The following TXNDC16 variants were observed in gnomAD, a reference collection of about 807,000 sequenced individuals.
TXNDC16 encodes the protein thioredoxin domain containing 16, also known as thioredoxin domain-containing protein 16.
A neutral mutation model predicts 85.6 loss-of-function variants in TXNDC16; 74 were observed. That is an observed-to-expected ratio of 0.86 (90% confidence interval 0.72 to 1.05). The LOEUF is 1.05. Among genes scored for constraint, TXNDC16 ranks in the 50% least tolerant of loss-of-function variants. TXNDC16 has a pLI of 0.00. For missense variants in TXNDC16, 959 were observed against 947.0 expected (o/e 1.01, Z -0.17); for synonymous variants, 335 against 326.5 (o/e 1.03, Z -0.28).
intron 18 of TXNDC16, among the ~76,000 whole-genome samples, chr14:52,450,273 T>G (rs2035376714): frequency 1.3e-5 from 2 of 151,750 alleles, no homozygotes; most frequent in South Asian, 4.1e-4. Flanking sequence ...TAGCAGAAAT[T>G]CAAAAGGTCA....
chr14:52,451,620 G>C (rs1379326050), intron 18 of TXNDC16, among the ~76,000 whole-genome samples: 1 of 151,974 alleles, frequency 6.6e-6, no homozygotes, highest in East Asian at 1.9e-4. Context: ...AACTGATGCT[G>C]AATAGCATTT....
At position 52,542,318 on chromosome 14, in the gene TXNDC16, A is replaced by G. The variant is rs2037847915; in HGVS notation, c.243+53T>C. On this transcript the variant is annotated intron_variant, in intron 4 of 20. Transcript: ENST00000281741. Reference sequence around the variant, plus strand: ...TTTAAGATATTCAATCTTAAGCCATAAAGTTGTAAGATGTTCGTCACTAAT... The same window carrying G: ...TTTAAGATATTCAATCTTAAGCCATGAAGTTGTAAGATGTTCGTCACTAAT... 4.2e-6 allele frequency: 5 copies of G among 1,180,310 alleles called. No individual in the cohort carries two copies. The South Asian group carries it at 6.7e-5, about 16-fold the overall frequency. 73.1% of individuals were successfully genotyped at this position (1,180,310 alleles called of 1,614,324 possible). A position where few individuals can be genotyped will look rare whatever the true frequency, so the allele number is the denominator to read the frequency against.
intron 1 of TXNDC16, among the ~76,000 whole-genome samples, chr14:52,547,762 A>G (rs944465226): frequency 2.0e-5 from 3 of 152,212 alleles, no homozygotes; most frequent in African/African-American, 7.2e-5. Context: ...AGAGATGACC[A>G]CTGCTGGGCA....
intron 16 of TXNDC16, among the ~76,000 whole-genome samples, chr14:52,463,746 T>C (rs980615547): frequency 3.3e-5 from 5 of 152,244 alleles, no homozygotes; most frequent in South Asian, 2.1e-4. Flanking sequence ...ACTTAAAATA[T>C]ATACGGAGGC....
At chr14:52,513,962 A>T (rs1435422339) in intron 8 of TXNDC16, among the ~76,000 whole-genome samples, 1 of 152,106 alleles carries the variant, frequency 6.6e-6, no homozygotes, top group South Asian at 2.1e-4. Flanking sequence ...GTACAGACAA[A>T]CAGTGAGCAT....
chr14:52,492,599 A>G (rs1048717172), intron 9 of TXNDC16, among the ~76,000 whole-genome samples: 3 of 152,154 alleles, frequency 2.0e-5, no homozygotes, highest in Admixed American at 1.3e-4. Context: ...GCCACCCAGC[A>G]CAGCTGGCTT....
intron 6 of TXNDC16, among the ~76,000 whole-genome samples, chr14:52,523,483 A>C (rs971445153): frequency 1.3e-5 from 2 of 152,208 alleles, no homozygotes; most frequent in African/African-American, 4.8e-5. Context: ...GGAAAATGTA[A>C]ATGTTTTACC....
chr14:52,466,557 C>A (rs762156931), intron 16 of TXNDC16, among the ~76,000 whole-genome samples: 1 of 151,738 alleles, frequency 6.6e-6, no homozygotes, highest in African/African-American at 2.4e-5. Context: ...AAGAAGCAGA[C>A]ACCATATTTT....
At chr14:52,542,484 T>C (rs373487918) in intron 3 of TXNDC16, 31 bp from the exon 4 acceptor site, 30 of 1,508,200 alleles carry the variant, frequency 2.0e-5, no homozygotes, top group African/African-American at 5.5e-5. Context: ...TGAATGTTTA[T>C]GAATTGCCCC....
chr14:52,476,043 T>G lies in TXNDC16; in HGVS notation c.1313-5363A>C, dbSNP rs571324804. Among the ~76,000 whole-genome samples, 158 of 152,222 alleles carry G rather than the reference T, an allele frequency of 1.0e-3. 1 individual carries two copies. The highest frequency in any genetic ancestry group is 3.6e-3 in the African/African-American group (149 of 41,546). ...CCCCAAGTACCAGCCTGGAGCCTGGTAGACTTGCTGGGTGGCTAGATCCAG... is the reference window on the plus strand; with the variant it reads ...CCCCAAGTACCAGCCTGGAGCCTGGGAGACTTGCTGGGTGGCTAGATCCAG... On this transcript the variant is annotated intron_variant, in intron 14 of 20. Transcript: ENST00000281741.
At chr14:52,436,337 G>A (rs1473300345) in intron 20 of TXNDC16, among the ~76,000 whole-genome samples, 3 of 152,178 alleles carry the variant, frequency 2.0e-5, no homozygotes, top group Non-Finnish European at 4.4e-5. Flanking sequence ...CATATTATAT[G>A]ATACCATTTA....
At chr14:52,454,649 C>CAAAA (rs34727206) in intron 18 of TXNDC16, among the ~76,000 whole-genome samples, 26 of 60,388 alleles carry the variant, frequency 4.3e-4, no homozygotes, top group South Asian at 1.2e-3. Context: ...ACTAAAAATA[C>CAAAA]AAAAAAAAAA....
chr14:52,482,278 A>C lies in TXNDC16; in HGVS notation c.1264T>G (p.Ser422Ala). 1 of 1,612,016 alleles carries C rather than the reference A, an allele frequency of 6.2e-7. No homozygotes were observed. Among genetic ancestry groups the C allele is most frequent in the Non-Finnish European group, 8.5e-7 (1 of 1,178,972 alleles). ...ATATAGGATTGCAAAAATGCCATGGATACTGCTTGCCCTATATGAAAATTA... is the reference window on the plus strand; with the variant it reads ...ATATAGGATTGCAAAAATGCCATGGCTACTGCTTGCCCTATATGAAAATTA... ...VLFYAGWQAV[S>A]MAFLQSYIDV... The change falls in exon 14 of 21, where the codon TCC becomes GCC. Residue 422 changes from serine to alanine, a missense_variant. Physicochemically the swap from Ser to Ala is moderately conservative, Grantham distance 99 (BLOSUM62 1). Coordinates refer to ENST00000281741, the MANE Select transcript of TXNDC16 (RefSeq NM_020784.3).
At chr14:52,463,436 T>C (rs965735285) in intron 16 of TXNDC16, among the ~76,000 whole-genome samples, 3 of 152,126 alleles carry the variant, frequency 2.0e-5, no homozygotes, top group Admixed American at 6.5e-5. Context: ...CTAAATTTAA[T>C]AGAGTTTAAC....
chr14:52,480,528 A>G (rs1461901590), intron 14 of TXNDC16, among the ~76,000 whole-genome samples: 1 of 152,050 alleles, frequency 6.6e-6, no homozygotes, highest in African/African-American at 2.4e-5. Flanking sequence ...AATAGAGACA[A>G]TTACAAAAGA....
intron 16 of TXNDC16, among the ~76,000 whole-genome samples, chr14:52,458,829 ACT>A (rs895498176): frequency 6.6e-6 from 1 of 151,838 alleles, no homozygotes; most frequent in Non-Finnish European, 1.5e-5. Flanking sequence ...CATACAAAAG[ACT>A]CTCTACTTAT....
chr14:52,455,248 T>C lies in TXNDC16; in HGVS notation c.1842+76A>G, dbSNP rs78199341. ...CCTGTACCAGCAAAAAATGGAAAAA[T>C]GTGTATGAACATATACTACCTTTGA... On this transcript the variant is annotated intron_variant, in intron 18 of 20. Transcript: ENST00000281741. 3,767 of 1,543,208 alleles carry C rather than the reference T, an allele frequency of 2.4e-3. 100 individuals carry two copies. In the Admixed American group the frequency reaches 0.053, roughly 22 times the overall value.
At chr14:52,491,983 C>G (rs2036418451) in intron 9 of TXNDC16, among the ~76,000 whole-genome samples, 1 of 152,172 alleles carries the variant, frequency 6.6e-6, no homozygotes, top group Admixed American at 6.5e-5. Flanking sequence ...TTAGGCATGT[C>G]TGGACCTGGG....
At chr14:52,526,827 G>A (rs528847203) in intron 6 of TXNDC16, among the ~76,000 whole-genome samples, 23 of 152,318 alleles carry the variant, frequency 1.5e-4, no homozygotes, top group African/African-American at 4.6e-4. Flanking sequence ...GAGGAGGAGC[G>A]AGGGGCTGAA....
Sources: gnomAD v4.1 joint callset for allele counts (sites outside exome capture counted in the v4.1 genomes callset) on GRCh38, gnomAD v4.1.1 for gene constraint, MANE v1.5 for transcripts, NCBI Gene and HGNC (gene_info 2026-07-23, HGNC 2026-07-21) for gene names.